Variants in RHOBTB1 observed in about 807,000 individuals in gnomAD.
RHOBTB1 encodes the protein Rho related BTB domain containing 1.
Under a neutral mutation model 71.6 loss-of-function variants are expected in RHOBTB1, and 40 were observed. That is an observed-to-expected ratio of 0.56 (90% CI 0.43 to 0.73). The LOEUF (loss-of-function observed/expected upper bound fraction) is 0.73, where lower values mean the gene tolerates loss of function less well. Ranked by LOEUF, RHOBTB1 falls within the 30% of genes least tolerant of loss-of-function variation. The pLI, the probability that RHOBTB1 is intolerant of heterozygous loss-of-function variation, is 0.00. For missense variants in RHOBTB1, 797 were observed against 894.0 expected (o/e 0.89, Z 1.38); for synonymous variants, 319 against 334.9 (o/e 0.95, Z 0.52).
chr10:60,904,692 C>T (rs1332202953), intron 4 of RHOBTB1, among the ~76,000 whole-genome samples: 1 of 152,158 alleles, frequency 6.6e-6, no homozygotes, highest in African/African-American at 2.4e-5. Flanking sequence ...TAGGTACTGG[C>T]TAAAATTGGC....
At chr10:60,883,040 C>A (rs1010251732) in intron 7 of RHOBTB1, among the ~76,000 whole-genome samples, 15 of 152,142 alleles carry the variant, frequency 9.9e-5, no homozygotes, top group African/African-American at 3.6e-4. Flanking sequence ...GAGTGAGCCA[C>A]TTCCCCAACG....
intron 2 of RHOBTB1, among the ~76,000 whole-genome samples, chr10:60,977,755 T>C (rs960326654): frequency 7.9e-5 from 12 of 152,284 alleles, no homozygotes; most frequent in Non-Finnish European, 1.3e-4. Context: ...AGAATTTATG[T>C]AGATTTAAAA....
chr10:60,874,986 C>T lies in RHOBTB1; in HGVS notation c.1783G>A (p.Gly595Arg), dbSNP rs765212274. Residue 595 changes from glycine (G) to arginine (R), a missense_variant, in exon 9 of 11, where the codon GGA becomes AGA. This residue lies in a region of RHOBTB1 where 658 missense variants were observed against 681.5 expected (regional missense o/e 0.97). Transcript: ENST00000337910. ...KAATSGVGID[G>R]EVLSYLELAQ... ...AATTCCAAGTAAGAGAGCACTTCTCCGTCAATGCCCACGCCACTCGTGGCG... is the reference window on the plus strand; with the variant it reads ...AATTCCAAGTAAGAGAGCACTTCTCTGTCAATGCCCACGCCACTCGTGGCG... 6.2e-6 allele frequency: 10 copies of T among 1,613,916 alleles called. No individual in the cohort carries two copies. The highest frequency in any genetic ancestry group is 4.5e-5 in the East Asian group (2 of 44,878).
rs1564810744 is a variant in RHOBTB1 at position 60,888,523 on chromosome 10, T to C, written c.1145A>G (p.His382Arg). The change falls in exon 6 of 11, where the codon CAC (histidine) becomes CGC (arginine). Residue 382 changes from histidine to arginine, a missense_variant. This residue lies in a region of RHOBTB1 where 658 missense variants were observed against 681.5 expected (regional missense o/e 0.97). Transcript: ENST00000337910. ...AATGGGGTTGACTTGCATTTCCCTG[T>C]GCATGCCAATGAACCCCTTACTCCA... ...TGWSKGFIGM[H>R]REMQVNPISK... The C allele has an allele frequency of 1.1e-5, 17 of 1,614,150 alleles. No individual in the cohort carries two copies. The highest frequency in any genetic ancestry group is 1.4e-5 in the Non-Finnish European group (17 of 1,180,018).
upstream of RHOBTB1, among the ~76,000 whole-genome samples, chr10:60,944,715 T>C (rs1169281599): frequency 1.3e-5 from 2 of 152,166 alleles, no homozygotes; most frequent in Non-Finnish European, 2.9e-5. Context: ...GGGAGGACAT[T>C]GGCTTTTGTT....
chr10:60,885,532 C>T (rs2081529066), intron 7 of RHOBTB1, among the ~76,000 whole-genome samples: 1 of 152,210 alleles, frequency 6.6e-6, no homozygotes, highest in African/African-American at 2.4e-5. Context: ...CCCCTCAACA[C>T]AGGCAGAGTC....
chr10:60,970,738 C>T (rs1345564452), intron 2 of RHOBTB1, among the ~76,000 whole-genome samples: 1 of 151,920 alleles, frequency 6.6e-6, no homozygotes, highest in Non-Finnish European at 1.5e-5. Flanking sequence ...CTGCTTACTT[C>T]ACATTTATAT....
In RHOBTB1 at chr10:60,874,948, A is replaced by G. The variant is rs201003285; in HGVS notation, c.1815+6T>C. On this transcript the variant is annotated splice_donor_region_variant and intron_variant, in intron 9 of 10. Coordinates refer to ENST00000337910, the MANE Select transcript of RHOBTB1 (RefSeq NM_014836.5). Reference sequence around the variant, plus strand: ...CTTAAAAGGTAAAAAGCAAACTGTTACAAACCTGAGCCAATTCCAAGTAAG... The same window carrying G: ...CTTAAAAGGTAAAAAGCAAACTGTTGCAAACCTGAGCCAATTCCAAGTAAG... The G allele has an allele frequency of 1.3e-4, 202 of 1,608,040 alleles. 1 individual carries two copies. The East Asian group carries it at 3.2e-3, about 26-fold the overall frequency.
chr10:60,965,860 GTT>G (rs2085939227), intron 2 of RHOBTB1, among the ~76,000 whole-genome samples: 1 of 151,972 alleles, frequency 6.6e-6, no homozygotes, highest in Non-Finnish European at 1.5e-5. Context: ...GTCTTGCCTT[GTT>G]GGCAATTTCA....
intron 1 of RHOBTB1, among the ~76,000 whole-genome samples, chr10:60,998,647 G>A (rs1014935534): frequency 6.6e-6 from 1 of 152,166 alleles, no homozygotes; most frequent in Non-Finnish European, 1.5e-5. Flanking sequence ...GGGGAAGGGA[G>A]AGCATATGCT....
At chr10:60,907,609 G>A (rs1332319413) in intron 4 of RHOBTB1, among the ~76,000 whole-genome samples, 1 of 152,166 alleles carries the variant, frequency 6.6e-6, no homozygotes, top group Non-Finnish European at 1.5e-5. Context: ...ATGCTACTCT[G>A]TTTCCTTCAT....
intron 5 of RHOBTB1, among the ~76,000 whole-genome samples, chr10:60,890,569 AG>A (rs1367382198): frequency 6.6e-6 from 1 of 152,188 alleles, no homozygotes; most frequent in African/African-American, 2.4e-5. Context: ...GAACACAGGC[AG>A]GAAGTGCTTT....
intron 2 of RHOBTB1, among the ~76,000 whole-genome samples, chr10:60,985,503 G>A (rs1004930617): frequency 1.5e-4 from 23 of 152,288 alleles, no homozygotes; most frequent in Middle Eastern, 3.4e-3. Flanking sequence ...TGACTTTTCA[G>A]AGTCCACATG....
In RHOBTB1 at chr10:60,981,850, A is replaced by G. The variant is rs139723972; in HGVS notation, c.-62+3995T>C. 4.5e-3 allele frequency among the ~76,000 whole-genome samples: 691 copies of G among 151,896 alleles called. 2 individuals carry two copies. The highest frequency in any genetic ancestry group is 0.016 in the African/African-American group (655 of 41,442). Reference sequence around the variant, plus strand: ...AATGGTGCGACCTCGGCTCACTGCAACCTCTGCCTCCTGGGTTCAAGTGAT... The same window carrying G: ...AATGGTGCGACCTCGGCTCACTGCAGCCTCTGCCTCCTGGGTTCAAGTGAT... On this transcript the variant is annotated intron_variant, in intron 2 of 11. Coordinates refer to the RHOBTB1 transcript ENST00000357917.
chr10:60,924,963 C>T (rs2083781943), intron 2 of RHOBTB1, among the ~76,000 whole-genome samples: 1 of 152,162 alleles, frequency 6.6e-6, no homozygotes, highest in South Asian at 2.1e-4. Context: ...GGCTTGGTGG[C>T]AAGTGTTTAG....
intron 2 of RHOBTB1, among the ~76,000 whole-genome samples, chr10:60,962,984 T>A (rs2085837084): frequency 6.6e-6 from 1 of 152,172 alleles, no homozygotes; most frequent in African/African-American, 2.4e-5. Context: ...ACTGAAAATC[T>A]ATTTTCTAAC....
At chr10:60,899,031 G>T (rs1028481699) in intron 4 of RHOBTB1, among the ~76,000 whole-genome samples, 2 of 152,080 alleles carry the variant, frequency 1.3e-5, no homozygotes, top group African/African-American at 4.8e-5. Context: ...AATATCATAG[G>T]GGTTAATGGC....
chr10:60,991,948 T>C (rs1206217026), intron 1 of RHOBTB1, among the ~76,000 whole-genome samples: 2 of 152,212 alleles, frequency 1.3e-5, no homozygotes, highest in African/African-American at 4.8e-5. Flanking sequence ...TTCTAGTCCA[T>C]AGGCTAAATG....
chr10:60,871,897 C>T, intron 10 of RHOBTB1: 1 of 603,582 alleles, frequency 1.7e-6, no homozygotes. Flanking sequence ...AAGCCTGCTC[C>T]TAAGCTTGTC....
Sources: allele counts gnomAD v4.1 joint callset (sites outside exome capture counted in the v4.1 genomes callset), GRCh38; gene constraint gnomAD v4.1.1; regional missense constraint gnomAD v4.1.1; transcripts MANE v1.5; gene names NCBI Gene and HGNC (gene_info 2026-07-23, HGNC 2026-07-21).